Variants in KCNC2 observed in about 807,000 individuals in gnomAD.
The protein encoded by KCNC2 is voltage-gated potassium channel KCNC2.
A neutral mutation model predicts 44.5 loss-of-function variants in KCNC2; 21 were observed. The ratio of observed to expected loss-of-function variants is 0.47; its 90% CI spans 0.33 to 0.68. The LOEUF is 0.68. Ranked by LOEUF, KCNC2 falls within the 30% of genes least tolerant of loss-of-function variation. The pLI, the probability that KCNC2 is intolerant of heterozygous loss-of-function variation, is 0.01. For missense variants in KCNC2, 589 were observed against 826.2 expected, an observed-to-expected ratio of 0.71 and a Z score of 3.52; for synonymous variants, 391 against 339.1, an observed-to-expected ratio of 1.15 and a Z score of -1.68.
Position 75,043,097 on chromosome 12 carries a change from T to A in KCNC2, c.*8A>T, listed in dbSNP as rs1191760476. 1 of 1,611,022 alleles carries A rather than the reference T, an allele frequency of 6.2e-7. No individual in the cohort carries two copies. Among genetic ancestry groups the A allele is most frequent in the Non-Finnish European group, 8.5e-7 (1 of 1,178,414 alleles). ...ATTTAGCCGACTGATGCAGTTTGGT[T>A]GTTTGGTTTACAAGATAGATGGGAT... is the stretch of plus-strand genomic sequence containing the variant. On this transcript the variant is annotated 3_prime_UTR_variant, in exon 5 of 5. Transcript: ENST00000549446.
intron 2 of KCNC2, among the ~76,000 whole-genome samples, chr12:75,081,871 C>A (rs1461656131): frequency 6.6e-6 from 1 of 151,964 alleles, no homozygotes; most frequent in Non-Finnish European, 1.5e-5. Context: ...TACCTAGACA[C>A]CTAAACTGTA....
chr12:75,080,742 A>T (rs145046099), intron 2 of KCNC2, among the ~76,000 whole-genome samples: 119 of 152,134 alleles, frequency 7.8e-4, no homozygotes, highest in Admixed American at 4.0e-3. Context: ...GTCACTTAGC[A>T]CACATTTTCT....
At chr12:75,099,877 C>A (rs965663780) in intron 2 of KCNC2, among the ~76,000 whole-genome samples, 4 of 152,102 alleles carry the variant, frequency 2.6e-5, no homozygotes, top group African/African-American at 9.7e-5. Flanking sequence ...TTCTCAGATA[C>A]AAAATGGTGG....
At chr12:75,164,325 T>C (rs1315566906) in intron 2 of KCNC2, among the ~76,000 whole-genome samples, 1 of 151,722 alleles carries the variant, frequency 6.6e-6, no homozygotes, top group Non-Finnish European at 1.5e-5. Flanking sequence ...AACTGTGTTT[T>C]GTTCACAATA....
chr12:75,152,027 A>G (rs1890439442), intron 2 of KCNC2, among the ~76,000 whole-genome samples: 1 of 146,756 alleles, frequency 6.8e-6, no homozygotes, highest in Non-Finnish European at 1.5e-5. Flanking sequence ...ATATATAATT[A>G]TAGGTTAAGA....
Position 75,207,594 on chromosome 12 carries a change from G to A in KCNC2, c.390C>T (p.Cys130=). ...TGKLHCPADV[C]GPLFEEELAF... ...CCAGCTCCTCCTCGAAGAGCGGCCC[G>A]CACACGTCTGCGGGGCAGTGCAGCT... Residue 130 remains cysteine, a synonymous_variant, in exon 2 of 5, where the codon TGC becomes TGT. Coordinates refer to ENST00000549446, the MANE Select transcript of KCNC2 (RefSeq NM_139137.4). The surrounding 1 kb of genome is among the most constrained non-coding windows in gnomAD (Gnocchi z 4.1). The A allele has an allele frequency of 1.2e-6, 2 of 1,612,060 alleles. No individual in the cohort carries two copies. Among genetic ancestry groups the A allele is most frequent in the East Asian group, 2.2e-5 (1 of 44,860 alleles).
intron 2 of KCNC2, among the ~76,000 whole-genome samples, chr12:75,072,301 A>T (rs1314143687): frequency 6.6e-6 from 1 of 152,198 alleles, no homozygotes; most frequent in African/African-American, 2.4e-5. Flanking sequence ...GTGATATCTA[A>T]TTTGATTCAA....
chr12:75,077,700 TA>T (rs1468556833), intron 2 of KCNC2, among the ~76,000 whole-genome samples: 1 of 150,696 alleles, frequency 6.6e-6, no homozygotes, highest in African/African-American at 2.5e-5. Flanking sequence ...CTAAGCAATG[TA>T]GGACCTATTC....
At chr12:75,077,385 G>T (rs1323284916) in intron 2 of KCNC2, among the ~76,000 whole-genome samples, 1 of 151,972 alleles carries the variant, frequency 6.6e-6, no homozygotes, top group East Asian at 1.9e-4. Flanking sequence ...CAATAATTAC[G>T]TTCCACACAT....
intron 2 of KCNC2, among the ~76,000 whole-genome samples, chr12:75,080,667 A>G (rs895361583): frequency 2.0e-5 from 3 of 152,156 alleles, no homozygotes; most frequent in African/African-American, 7.2e-5. Context: ...CTCAAAGGAC[A>G]GTTCTGCACT....
At chr12:75,086,276 C>T (rs1388150051) in intron 2 of KCNC2, among the ~76,000 whole-genome samples, 1 of 151,970 alleles carries the variant, frequency 6.6e-6, no homozygotes, top group African/African-American at 2.4e-5. Context: ...GAAGACAAGA[C>T]AGTGTGCCAA....
At chr12:75,130,495 A>G (rs564708930) in intron 2 of KCNC2, among the ~76,000 whole-genome samples, 1 of 152,310 alleles carries the variant, frequency 6.6e-6, no homozygotes, top group South Asian at 2.1e-4. Flanking sequence ...ACTAAGCTTT[A>G]TGCTAGCACC....
intron 2 of KCNC2, among the ~76,000 whole-genome samples, chr12:75,108,285 C>T (rs1886949049): frequency 6.6e-6 from 1 of 152,132 alleles, no homozygotes; most frequent in Non-Finnish European, 1.5e-5. Flanking sequence ...TACTTAACTT[C>T]TCTGATCTTT....
intron 2 of KCNC2, among the ~76,000 whole-genome samples, chr12:75,103,995 A>G (rs529161648): frequency 3.9e-5 from 6 of 152,274 alleles, no homozygotes; most frequent in African/African-American, 1.4e-4. Flanking sequence ...GTGTTAGGCT[A>G]CTATTCATCT....
chr12:75,063,835 A>T (rs1050265206), intron 2 of KCNC2, among the ~76,000 whole-genome samples: 2 of 152,128 alleles, frequency 1.3e-5, no homozygotes, highest in African/African-American at 4.8e-5. Context: ...GGCAAGTAAG[A>T]AGCAGATGAG....
intron 2 of KCNC2, among the ~76,000 whole-genome samples, chr12:75,153,537 T>C (rs1051915397): frequency 7.9e-5 from 12 of 151,896 alleles, no homozygotes; most frequent in Admixed American, 1.3e-4. Context: ...TACTTAGTGA[T>C]AGCTACACTA....
In KCNC2 at chr12:75,050,754, C is replaced by T. The variant is rs200018702; in HGVS notation, c.1251G>A (p.Glu417=). 5.0e-6 allele frequency: 8 copies of T among 1,613,426 alleles called. No homozygotes were observed. Among genetic ancestry groups the T allele is most frequent in the South Asian group, 3.3e-5 (3 of 91,042 alleles). The change falls in exon 3 of 5, where the codon GAG becomes GAA. Residue 417 remains glutamate (E), a synonymous_variant. Transcript: ENST00000549446. ...TGGGAATGTTTTTGAACTGTGTGTG[C>T]TCACTAGCTGAAGGGTCGTTAGGTT... ...GAQPNDPSAS[E]HTQFKNIPIG...
intron 2 of KCNC2, among the ~76,000 whole-genome samples, chr12:75,185,579 A>G (rs76764068): frequency 9.9e-5 from 15 of 152,122 alleles, no homozygotes; most frequent in Admixed American, 6.6e-4. Context: ...TGCTGGCACC[A>G]TGATCTTGGA....
chr12:75,191,544 T>A (rs1398573898), intron 2 of KCNC2, among the ~76,000 whole-genome samples: 19 of 51,196 alleles, frequency 3.7e-4, no homozygotes, highest in African/African-American at 1.4e-3. Flanking sequence ...TTTTTTTTTT[T>A]TTTTTTTTTT....
Sources: allele counts gnomAD v4.1 joint callset (sites outside exome capture counted in the v4.1 genomes callset), GRCh38; gene constraint gnomAD v4.1.1; non-coding constraint Gnocchi (gnomAD v3.1); transcripts MANE v1.5; gene names NCBI Gene and HGNC (gene_info 2026-07-23, HGNC 2026-07-21).